Variants in CCDC150 observed in about 807,000 individuals in gnomAD.
CCDC150 encodes the protein coiled-coil domain containing 150.
A neutral mutation model predicts 156.5 loss-of-function variants in CCDC150; 151 were observed. The observed-to-expected ratio is 0.97, with a 90% CI of 0.85 to 1.10. The LOEUF is 1.10. CCDC150 is among the 50% of genes least tolerant of loss of function. The pLI is 0.00. For missense variants in CCDC150, 1,312 were observed against 1,268.1 expected, an observed-to-expected ratio of 1.03 and a Z score of -0.53; for synonymous variants, 452 against 429.4, an observed-to-expected ratio of 1.05 and a Z score of -0.65.
At position 196,690,962 on chromosome 2, in the gene CCDC150, T is replaced by A. The variant is rs568341722; in HGVS notation, c.1510-4084T>A. Among the ~76,000 whole-genome samples, 7 of 152,354 alleles carry A rather than the reference T, an allele frequency of 4.6e-5. No individual in the cohort carries two copies. The East Asian group carries it at 1.3e-3, about 29-fold the overall frequency. ...GCCTTTTCTGCATCTATTGAGATAA[T>A]CATGTGGTTTTTCTCTTTAGTTCTG... On this transcript the variant is annotated intron_variant, in intron 13 of 27. Transcript: ENST00000389175.
chr2:196,729,478 A>G (rs769687090), intron 23 of CCDC150, 91 bp downstream of exon 23: 18 of 1,270,698 alleles, frequency 1.4e-5, no homozygotes, highest in East Asian at 1.2e-4. Flanking sequence ...TTAGAACCCT[A>G]GCAGCCCCAT....
At chr2:196,642,973 C>T (rs1692325618) in intron 1 of CCDC150, among the ~76,000 whole-genome samples, 1 of 152,118 alleles carries the variant, frequency 6.6e-6, no homozygotes, top group African/African-American at 2.4e-5. Flanking sequence ...GAACTCCTGG[C>T]CTCAAGTGAT....
chr2:196,720,289 G>A (rs1188489141), intron 19 of CCDC150: 2 of 374,024 alleles, frequency 5.3e-6, no homozygotes, highest in Non-Finnish European at 1.0e-5. Context: ...TTTTTACATA[G>A]TATGAAAGTA....
intron 2 of CCDC150, among the ~76,000 whole-genome samples, chr2:196,652,262 T>C (rs918474826): frequency 1.3e-5 from 2 of 152,202 alleles, no homozygotes; most frequent in Non-Finnish European, 2.9e-5. Flanking sequence ...AAGTCCCAAG[T>C]CTCAATTCCA....
intron 2 of CCDC150, among the ~76,000 whole-genome samples, chr2:196,653,264 T>G (rs188991383): frequency 6.6e-6 from 1 of 152,352 alleles, no homozygotes; most frequent in Non-Finnish European, 1.5e-5. Context: ...ATTTTCCAAA[T>G]TTTTATACTG....
At position 196,659,946 on chromosome 2, in the gene CCDC150, GC is replaced by G. The variant is rs564119815; in HGVS notation, c.645+1089del. Among the ~76,000 whole-genome samples the G allele has an allele frequency of 9.9e-5, 15 of 152,208 alleles. No homozygotes were observed. In the East Asian group the frequency reaches 2.7e-3, roughly 27 times the overall value. ...CAGGATCACACAGAATAGTTGCCCT[GC>G]CCTAAAAATGCCCTGTGTTCCACCT... On this transcript the variant is annotated intron_variant, in intron 5 of 27. Transcript: ENST00000389175.
At chr2:196,671,233 C>G (rs1694181088) in intron 8 of CCDC150, among the ~76,000 whole-genome samples, 1 of 152,088 alleles carries the variant, frequency 6.6e-6, no homozygotes, top group South Asian at 2.1e-4. Flanking sequence ...TTCATCCCTC[C>G]CTCCCCTTCT....
intron 1 of CCDC150, among the ~76,000 whole-genome samples, chr2:196,642,530 A>C (rs563660200): frequency 2.6e-5 from 4 of 152,272 alleles, no homozygotes; most frequent in African/African-American, 9.6e-5. Flanking sequence ...TTCTTATCTC[A>C]TACTTTAACA....
chr2:196,732,109 A>C lies in CCDC150; in HGVS notation c.3146A>C (p.Asn1049Thr), dbSNP rs754074382. 2.5e-6 allele frequency: 4 copies of C among 1,613,904 alleles called. No homozygotes were observed. Among genetic ancestry groups the C allele is most frequent in the Non-Finnish European group, 3.4e-6 (4 of 1,179,844 alleles). The change falls in exon 27 of 28, where the codon AAC (asparagine) becomes ACC (threonine). Residue 1049 changes from asparagine (N) to threonine (T), a missense_variant. Coordinates refer to ENST00000389175, the MANE Select transcript of CCDC150 (RefSeq NM_001080539.2). The stretch of plus-strand genomic sequence containing the variant: ...GGTCTACAACTTGAGCTGACAAAAA[A>C]CCGGTTGCAGAGGCCTTCTGGGGAA... ...FDGLQLELTK[N>T]RLQRPSGEDR... is the part of the protein sequence containing the mutation.
rs1338161322 is a variant in CCDC150 at position 196,732,673 on chromosome 2, TG to T, written c.*114del. 1.4e-6 allele frequency: 1 copy of T among 717,664 alleles called. No homozygotes were observed. Among genetic ancestry groups the T allele is most frequent in the East Asian group, 2.5e-5 (1 of 39,756 alleles). The allele number at this position is 717,664 out of a possible 1,614,324, so 44.5% of individuals were successfully genotyped here. On this transcript the variant is annotated 3_prime_UTR_variant, in exon 28 of 28. Coordinates refer to ENST00000389175, the MANE Select transcript of CCDC150 (RefSeq NM_001080539.2). ...TCATAAGAACATGAAGTCTTTGATG[TG>T]GGCTGAAGATTTTGGACCTGAGTTT...
chr2:196,698,757 G>A (rs1007136149), intron 14 of CCDC150, among the ~76,000 whole-genome samples: 5 of 152,128 alleles, frequency 3.3e-5, no homozygotes, highest in Admixed American at 2.0e-4. Flanking sequence ...TGTTATATAT[G>A]TATACATGTG....
chr2:196,672,759 T>C (rs563265267), intron 9 of CCDC150, among the ~76,000 whole-genome samples: 1 of 152,310 alleles, frequency 6.6e-6, no homozygotes, highest in East Asian at 1.9e-4. Flanking sequence ...TCTGAATAAT[T>C]CCATGGCAAG....
chr2:196,681,589 G>A (rs1694822249), intron 13 of CCDC150, among the ~76,000 whole-genome samples: 1 of 152,118 alleles, frequency 6.6e-6, no homozygotes, highest in South Asian at 2.1e-4. Context: ...ATTCTCACCA[G>A]CGATGTACAA....
In CCDC150 at chr2:196,726,086, G is replaced by A. The variant is rs773160673; in HGVS notation, c.2543G>A (p.Arg848Gln). 9.9e-6 allele frequency: 16 copies of A among 1,612,974 alleles called. No homozygotes were observed. In the East Asian group the frequency reaches 1.1e-4, roughly 11 times the overall value. ...GAAACTACAAAGAAAGTGGCACAAC[G>A]GGAAGTGGCTGAGGTATAGTCATGA... Reference protein sequence around the residue: ...ERETTKKVAQREVAELKKALD... With the variant: ...ERETTKKVAQQEVAELKKALD... The change falls in exon 22 of 28, where the codon CGG becomes CAG. Residue 848 changes from arginine (R) to glutamine (Q), a missense_variant. Coordinates refer to ENST00000389175, the MANE Select transcript of CCDC150 (RefSeq NM_001080539.2).
intron 5 of CCDC150, among the ~76,000 whole-genome samples, chr2:196,664,860 A>G (rs928008285): frequency 3.9e-5 from 6 of 152,108 alleles, no homozygotes; most frequent in African/African-American, 1.4e-4. Flanking sequence ...GCCAGGAACG[A>G]GGGTCAGAAA....
chr2:196,718,564 CG>C lies in CCDC150; in HGVS notation c.1930del (p.Ala644ProfsTer2). 6.2e-7 allele frequency: 1 copy of C among 1,613,502 alleles called. No homozygotes were observed. Among genetic ancestry groups the C allele is most frequent in the Non-Finnish European group, 8.5e-7 (1 of 1,179,674 alleles). ...ELSRTVKCRN[A>X]ALKESQKLKE... Reference sequence around the variant, plus strand: ...TCCCGAACAGTGAAGTGTCGTAATGCGGCCCTGAAAGAGAGTCAGAAGTTGA... The same window carrying C: ...TCCCGAACAGTGAAGTGTCGTAATGCGCCCTGAAAGAGAGTCAGAAGTTGA... On this transcript the variant is annotated frameshift_variant, in exon 18 of 28. Transcript: ENST00000389175. LOFTEE classifies it high-confidence loss of function.
At chr2:196,719,818 A>C (rs967447506) in intron 19 of CCDC150, 152 bp downstream of exon 19, 5 of 514,006 alleles carry the variant, frequency 9.7e-6, no homozygotes, top group Non-Finnish European at 1.6e-5. Context: ...GTTAGAGAAA[A>C]TTTAGAATTA....
intron 9 of CCDC150, among the ~76,000 whole-genome samples, chr2:196,673,791 A>T (rs951021976): frequency 6.6e-6 from 1 of 152,180 alleles, no homozygotes; most frequent in African/African-American, 2.4e-5. Context: ...TAATCTCGTG[A>T]TGGTAAAATC....
At chr2:196,708,637 G>C (rs933707900) in intron 15 of CCDC150, among the ~76,000 whole-genome samples, 2 of 152,134 alleles carry the variant, frequency 1.3e-5, no homozygotes, top group African/African-American at 4.8e-5. Flanking sequence ...TTTTGCAGTG[G>C]CTGGTACCGG....
Sources: gnomAD v4.1 joint callset for allele counts (sites outside exome capture counted in the v4.1 genomes callset) on GRCh38, gnomAD v4.1.1 for gene constraint, MANE v1.5 for transcripts, NCBI Gene and HGNC (gene_info 2026-07-23, HGNC 2026-07-21) for gene names.